The following PRKG1 variants were observed in gnomAD, a reference collection of about 807,000 sequenced individuals.
The protein encoded by PRKG1 is cGMP-dependent protein kinase 1.
A neutral mutation model predicts 88.1 loss-of-function variants in PRKG1; 35 were observed. That is an observed-to-expected ratio of 0.40 (90% CI 0.30 to 0.53). The LOEUF is 0.53. PRKG1 is among the 20% of genes least tolerant of loss of function. The pLI, the probability that PRKG1 is intolerant of heterozygous loss-of-function variation, is 0.59. For synonymous variants in PRKG1, 303 were observed against 292.5 expected (o/e 1.04, Z -0.37); for missense variants, 540 against 839.8 (o/e 0.64, Z 4.41).
At chr10:51,274,779 T>C (rs981877857) in intron 2 of PRKG1, among the ~76,000 whole-genome samples, 3 of 152,178 alleles carry the variant, frequency 2.0e-5, no homozygotes, top group Non-Finnish European at 2.9e-5. Flanking sequence ...ATGTGAGAAA[T>C]TATTATGGGT....
intron 3 of PRKG1, among the ~76,000 whole-genome samples, chr10:51,507,483 A>G (rs1218679245): frequency 6.6e-6 from 1 of 152,026 alleles, no homozygotes; most frequent in Admixed American, 6.6e-5. Flanking sequence ...AATCTTAGCT[A>G]GCTGTAAAAT....
chr10:51,361,487 GTAA>G (rs1564461714), intron 2 of PRKG1, among the ~76,000 whole-genome samples: 6 of 151,844 alleles, frequency 4.0e-5, no homozygotes, highest in Non-Finnish European at 8.8e-5. Flanking sequence ...CATGGTCTAC[GTAA>G]TTCATTAAAT....
At chr10:51,234,037 A>G (rs1838915919) in intron 2 of PRKG1, among the ~76,000 whole-genome samples, 1 of 152,150 alleles carries the variant, frequency 6.6e-6, no homozygotes, top group African/African-American at 2.4e-5. Context: ...CATATGGACC[A>G]TATCAAGTTG....
intron 10 of PRKG1, 160 bp downstream of exon 10, chr10:52,251,826 T>C: frequency 1.6e-6 from 1 of 610,328 alleles, no homozygotes; most frequent in Non-Finnish European, 2.8e-6. Context: ...CATGTCATAA[T>C]TAGACACAAA....
At chr10:52,186,671 T>G (rs962753931) in intron 9 of PRKG1, among the ~76,000 whole-genome samples, 1 of 151,990 alleles carries the variant, frequency 6.6e-6, no homozygotes, top group African/African-American at 2.4e-5. Flanking sequence ...ATATTATACA[T>G]CCCAACTCTT....
At chr10:51,952,009 A>G (rs936114670) in intron 5 of PRKG1, among the ~76,000 whole-genome samples, 37 of 152,344 alleles carry the variant, frequency 2.4e-4, no homozygotes, top group African/African-American at 8.2e-4. Flanking sequence ...CCATTTGTTA[A>G]CATATTTTCT....
intron 2 of PRKG1, among the ~76,000 whole-genome samples, chr10:51,266,137 T>C (rs935498230): frequency 6.6e-6 from 1 of 152,166 alleles, no homozygotes. Context: ...AATGCAGCTC[T>C]GGGAACTAGT....
chr10:51,760,526 C>T (rs1837992703), intron 3 of PRKG1, among the ~76,000 whole-genome samples: 2 of 149,014 alleles, frequency 1.3e-5, no homozygotes, highest in African/African-American at 2.5e-5. Context: ...GGCTGGAGTG[C>T]AGTGGCACTA....
chr10:51,154,763 A>G (rs1846164810), intron 2 of PRKG1, among the ~76,000 whole-genome samples: 1 of 152,014 alleles, frequency 6.6e-6, no homozygotes, highest in African/African-American at 2.4e-5. Context: ...ATATTCATTT[A>G]GACTTTCTTC....
intron 1 of PRKG1, among the ~76,000 whole-genome samples, chr10:51,051,505 C>A (rs140065873): frequency 1.1e-3 from 168 of 152,216 alleles, no homozygotes; most frequent in Middle Eastern, 3.4e-3. Flanking sequence ...TCCCTTCTTT[C>A]CTATTTGCCA....
At chr10:52,210,899 T>C (rs968464112) in intron 9 of PRKG1, among the ~76,000 whole-genome samples, 35 of 152,224 alleles carry the variant, frequency 2.3e-4, no homozygotes, top group Admixed American at 2.2e-3. Context: ...ATCAAAAATA[T>C]ATACATCAAT....
At chr10:51,628,007 TC>T (rs1189261376) in intron 3 of PRKG1, among the ~76,000 whole-genome samples, 10 of 47,096 alleles carry the variant, frequency 2.1e-4, no homozygotes, top group African/African-American at 3.7e-4. Flanking sequence ...TCTCTCTCTC[TC>T]TCTTTCTTTC....
At chr10:51,549,120 C>CTTTTTTTTTTTTTTGTTT (rs1842515955) in intron 3 of PRKG1, among the ~76,000 whole-genome samples, 1 of 70,326 alleles carries the variant, frequency 1.4e-5, no homozygotes, top group African/African-American at 5.6e-5. Context: ...CTTTTCTTTT[C>CTTTTTTTTTTTTTTGTTT]TTTTTTTTTT....
At chr10:52,139,263 G>C (rs557504270) in intron 8 of PRKG1, among the ~76,000 whole-genome samples, 1 of 152,066 alleles carries the variant, frequency 6.6e-6, no homozygotes, top group African/African-American at 2.4e-5. Flanking sequence ...GAGACAAATT[G>C]GTGTCTGTAT....
At chr10:51,177,470 T>A (rs116933188) in intron 2 of PRKG1, among the ~76,000 whole-genome samples, 119 of 152,306 alleles carry the variant, frequency 7.8e-4, no homozygotes, top group Non-Finnish European at 1.4e-3. Flanking sequence ...CAGTGGCTGC[T>A]ATTTGCTCTA....
intron 4 of PRKG1, among the ~76,000 whole-genome samples, chr10:51,875,015 C>T (rs1439452820): frequency 6.6e-6 from 1 of 152,146 alleles, no homozygotes; most frequent in Non-Finnish European, 1.5e-5. Flanking sequence ...TGAGATATTT[C>T]AAAAGTGGTA....
chr10:51,449,979 A>T (rs939285247), intron 2 of PRKG1, among the ~76,000 whole-genome samples: 1 of 151,988 alleles, frequency 6.6e-6, no homozygotes, highest in African/African-American at 2.4e-5. Context: ...AAAAAGAGCT[A>T]TGGGCATTAA....
At chr10:52,279,840 T>G (rs1841961058) in intron 12 of PRKG1, among the ~76,000 whole-genome samples, 1 of 151,892 alleles carries the variant, frequency 6.6e-6, no homozygotes, top group African/African-American at 2.4e-5. Flanking sequence ...GAAATGAAAT[T>G]ATTAAATTGT....
chr10:51,401,371 A>G (rs1241231519), intron 2 of PRKG1, among the ~76,000 whole-genome samples: 6 of 152,190 alleles, frequency 3.9e-5, no homozygotes, highest in Non-Finnish European at 7.3e-5. Flanking sequence ...ATTTGGTTAC[A>G]GAGTGCTTGG....
Sources: gnomAD v4.1 joint callset for allele counts (sites outside exome capture counted in the v4.1 genomes callset) on GRCh38, gnomAD v4.1.1 for gene constraint, MANE v1.5 for transcripts, NCBI Gene and HGNC (gene_info 2026-07-23, HGNC 2026-07-21) for gene names.